The following CDS2 variants were observed in gnomAD, a reference collection of about 807,000 sequenced individuals.
CDS2 encodes CDP-diacylglycerol synthase 2.
CDS2 carries 47 observed loss-of-function variants against 59.0 expected under a neutral mutation model. The observed-to-expected ratio is 0.80, with a 90% CI of 0.63 to 1.02. The LOEUF is 1.02. Among genes scored for constraint, CDS2 ranks in the 50% least tolerant of loss-of-function variants. CDS2 has a pLI of 0.00. For synonymous variants in CDS2, 207 were observed against 206.4 expected, an observed-to-expected ratio of 1.00 and a Z score of -0.02; for missense variants, 356 against 558.9, an observed-to-expected ratio of 0.64 and a Z score of 3.66.
At chr20:5,155,033 C>T (rs2090822579) in intron 1 of CDS2, among the ~76,000 whole-genome samples, 1 of 152,226 alleles carries the variant, frequency 6.6e-6, no homozygotes. Context: ...TTCCATAGGG[C>T]AAGATTGAAC....
chr20:5,172,235 A>G (rs570708159), intron 1 of CDS2, among the ~76,000 whole-genome samples: 3 of 152,302 alleles, frequency 2.0e-5, no homozygotes, highest in South Asian at 2.1e-4. Context: ...GACATTTACA[A>G]AAGTCCCCGT....
chr20:5,154,076 G>A (rs926430554), intron 1 of CDS2, among the ~76,000 whole-genome samples: 3 of 152,004 alleles, frequency 2.0e-5, no homozygotes, highest in East Asian at 3.9e-4. Context: ...TTTCCACCCC[G>A]TTCCCACCTC....
intron 5 of CDS2, among the ~76,000 whole-genome samples, chr20:5,179,883 C>T (rs962789825): frequency 6.6e-6 from 1 of 152,190 alleles, no homozygotes; most frequent in African/African-American, 2.4e-5. Context: ...ACCTTCAAAG[C>T]TAGTTTGAGG....
At chr20:5,143,670 C>G (rs1326721013) in intron 1 of CDS2, among the ~76,000 whole-genome samples, 1 of 137,410 alleles carries the variant, frequency 7.3e-6, no homozygotes, top group Non-Finnish European at 1.5e-5. Context: ...GCTCTGTCAT[C>G]CAGGCTGGAG....
chr20:5,145,248 G>A (rs1035587953), intron 1 of CDS2, among the ~76,000 whole-genome samples: 2 of 28,744 alleles, frequency 7.0e-5, no homozygotes, highest in East Asian at 6.5e-4. Flanking sequence ...CCCCCCCCCC[G>A]CCCCCGCCAC....
intron 1 of CDS2, among the ~76,000 whole-genome samples, chr20:5,164,446 T>C (rs2090899235): frequency 6.6e-6 from 1 of 152,070 alleles, no homozygotes; most frequent in Admixed American, 6.5e-5. Context: ...CGATTTATGA[T>C]TTAGGGGCTC....
intron 1 of CDS2, among the ~76,000 whole-genome samples, chr20:5,168,416 CCA>C (rs2090929023): frequency 8.1e-6 from 1 of 123,646 alleles, no homozygotes; most frequent in Admixed American, 8.0e-5. Flanking sequence ...CTCTGTCCCC[CCA>C]AAAAAAAAAA....
chr20:5,151,346 C>G (rs995792477), intron 1 of CDS2, among the ~76,000 whole-genome samples: 1 of 152,096 alleles, frequency 6.6e-6, no homozygotes, highest in Non-Finnish European at 1.5e-5. Flanking sequence ...ACAAATTAAA[C>G]GCACAACATA....
intron 5 of CDS2, 143 bp downstream of exon 5, chr20:5,179,099 G>A (rs1174369215): frequency 1.4e-5 from 8 of 583,302 alleles, no homozygotes; most frequent in Non-Finnish European, 2.1e-5. Flanking sequence ...GATGCTCTAT[G>A]TTAAGCTGTA....
rs2091160161 is a variant in CDS2 at position 5,196,736 on chromosome 20, T to G, written c.*6502T>G. On this transcript the variant is annotated 3_prime_UTR_variant, in exon 13 of 13. Coordinates refer to ENST00000460006, the MANE Select transcript of CDS2 (RefSeq NM_003818.4). ...TCCTTTGGGTGCTGTTTCTTTTAAA[T>G]CCTCTGTGCACAGGGCTCTGGCCTT... 6.6e-6 allele frequency: 1 copy of G among 152,290 alleles called. No individual in the cohort carries two copies. The highest frequency in any genetic ancestry group is 2.4e-5 in the African/African-American group (1 of 41,450). 9.4% of individuals were successfully genotyped at this position (152,290 alleles called of 1,614,324 possible). A position where few individuals can be genotyped will look rare whatever the true frequency, so the allele number is the denominator to read the frequency against.
chr20:5,161,952 C>T (rs1228031158), intron 1 of CDS2, among the ~76,000 whole-genome samples: 2 of 152,212 alleles, frequency 1.3e-5, no homozygotes, highest in African/African-American at 4.8e-5. Context: ...GCTGTTTGAA[C>T]TGCTTGTACC....
At position 5,183,081 on chromosome 20, in the gene CDS2, A is replaced by G. The variant is rs776193397; in HGVS notation, c.609A>G (p.Thr203=). 1.2e-6 allele frequency: 2 copies of G among 1,614,064 alleles called. No homozygotes were observed. Among genetic ancestry groups the G allele is most frequent in the Non-Finnish European group, 1.7e-6 (2 of 1,179,956 alleles). The change falls in exon 7 of 13, where the codon ACA becomes ACG. Residue 203 remains threonine, a synonymous_variant. Coordinates refer to ENST00000460006, the MANE Select transcript of CDS2 (RefSeq NM_003818.4). ...TGCAGTTTGGCTGGACCCATGTGAC[A>G]TTGCTGATTGTTGTAACACAGTCAC... ...QFYMFGWTHV[T]LLIVVTQSHL...
chr20:5,179,402 G>A (rs2091017417), intron 5 of CDS2, among the ~76,000 whole-genome samples: 1 of 152,242 alleles, frequency 6.6e-6, no homozygotes, highest in South Asian at 2.1e-4. Context: ...GATTACAGGT[G>A]TGAGCCACCA....
chr20:5,188,443 C>T (rs754659002), intron 10 of CDS2, among the ~76,000 whole-genome samples: 1 of 152,144 alleles, frequency 6.6e-6, no homozygotes, highest in Non-Finnish European at 1.5e-5. Context: ...TATATACTTC[C>T]ACCAAAACAG....
intron 10 of CDS2, chr20:5,187,892 A>G (rs991830698): frequency 6.6e-6 from 1 of 152,002 alleles, no homozygotes; most frequent in East Asian, 1.9e-4. Context: ...AAAAAAAAAA[A>G]AAAAGAAAAG....
intron 1 of CDS2, among the ~76,000 whole-genome samples, chr20:5,153,184 A>G (rs537321787): frequency 1.3e-5 from 2 of 152,350 alleles, no homozygotes; most frequent in East Asian, 3.9e-4. Flanking sequence ...CAAAAGTTTC[A>G]GGAAGCAGTA....
chr20:5,138,873 A>G (rs1412216199), intron 1 of CDS2, among the ~76,000 whole-genome samples: 1 of 152,098 alleles, frequency 6.6e-6, no homozygotes, highest in Non-Finnish European at 1.5e-5. Context: ...TACCTAAAAC[A>G]ATGTGCAGAT....
intron 1 of CDS2, among the ~76,000 whole-genome samples, chr20:5,163,325 C>T (rs1473489641): frequency 2.0e-5 from 3 of 151,482 alleles, no homozygotes; most frequent in Non-Finnish European, 4.4e-5. Context: ...GCAATGGCTC[C>T]ATCTCAGCTC....
intron 3 of CDS2, chr20:5,175,605 G>T (rs1378845406): frequency 4.8e-6 from 1 of 206,224 alleles, no homozygotes; most frequent in Admixed American, 5.7e-5. Context: ...GACCAACATG[G>T]TGAAACCCTG....
Sources: gnomAD v4.1 joint callset for allele counts (sites outside exome capture counted in the v4.1 genomes callset) on GRCh38, gnomAD v4.1.1 for gene constraint, MANE v1.5 for transcripts, NCBI Gene and HGNC (gene_info 2026-07-23, HGNC 2026-07-21) for gene names.